Variants in IGF2BP3 observed in about 807,000 individuals in gnomAD.
IGF2BP3 encodes the protein insulin like growth factor 2 mRNA binding protein 3.
IGF2BP3 carries 9 observed loss-of-function variants against 73.8 expected under a neutral mutation model. The observed-to-expected ratio is 0.12, with a 90% CI of 0.07 to 0.21. The LOEUF is 0.21. Among genes scored for constraint, IGF2BP3 ranks in the 10% least tolerant of loss-of-function variants. The pLI is 1.00. For missense variants in IGF2BP3, 542 were observed against 714.0 expected (o/e 0.76, Z 2.75); for synonymous variants, 258 against 256.7 (o/e 1.01, Z -0.05).
intron 10 of IGF2BP3, among the ~76,000 whole-genome samples, chr7:23,338,077 G>A (rs1018895638): frequency 6.6e-6 from 1 of 152,054 alleles, no homozygotes; most frequent in African/African-American, 2.4e-5. Context: ...CATGTAGTAT[G>A]CCAAAATAGA....
chr7:23,318,182 T>C (rs1677397297), intron 11 of IGF2BP3, among the ~76,000 whole-genome samples: 1 of 152,138 alleles, frequency 6.6e-6, no homozygotes, highest in Non-Finnish European at 1.5e-5. Flanking sequence ...CAACACACTC[T>C]AGGAATCTCT....
intron 2 of IGF2BP3, among the ~76,000 whole-genome samples, chr7:23,447,912 T>C (rs1788104450): frequency 6.6e-6 from 1 of 152,054 alleles, no homozygotes; most frequent in Non-Finnish European, 1.5e-5. Flanking sequence ...GTCCAGGAGT[T>C]CGAGTTGCAG....
At position 23,400,994 on chromosome 7, in the gene IGF2BP3, T is replaced by G. The variant is rs1288849352; in HGVS notation, c.285+17782A>C. The stretch of plus-strand genomic sequence containing the variant: ...TTTGTATTTTTAGTAGAGACGGGGG[T>G]TTCACCATGTTGCCCAGGTTGGTCT... On this transcript the variant is annotated intron_variant, in intron 3 of 14. Coordinates refer to ENST00000258729, the MANE Select transcript of IGF2BP3 (RefSeq NM_006547.3). 2.0e-5 allele frequency among the ~76,000 whole-genome samples: 3 copies of G among 151,818 alleles called. No individual in the cohort carries two copies. In the East Asian group the frequency reaches 5.8e-4, roughly 29 times the overall value.
rs925383052 is a variant in IGF2BP3 at position 23,431,235 on chromosome 7, A to G, written c.237-12411T>C. 3 of 152,310 alleles carry G rather than the reference A, an allele frequency of 2.0e-5. No homozygotes were observed. The South Asian group carries it at 6.2e-4, about 32-fold the overall frequency. 9.4% of individuals were successfully genotyped at this position (152,310 alleles called of 1,614,324 possible). ...TTTCTTCTAGCTTTTGTGTTTTATA[A>G]AATGAACTTTACTAGTTGTTGAGGG... On this transcript the variant is annotated intron_variant, in intron 2 of 14. Transcript: ENST00000258729.
intron 3 of IGF2BP3, among the ~76,000 whole-genome samples, chr7:23,403,797 C>T (rs1043147393): frequency 7.9e-5 from 12 of 151,840 alleles, no homozygotes; most frequent in Non-Finnish European, 1.3e-4. Flanking sequence ...CTAGGGTTGG[C>T]TCTAAGAATA....
chr7:23,369,531 T>C (rs1785483790), intron 3 of IGF2BP3, among the ~76,000 whole-genome samples: 1 of 152,168 alleles, frequency 6.6e-6, no homozygotes, highest in Admixed American at 6.5e-5. Context: ...TGCTTTCCAT[T>C]GCACATGGAC....
intron 10 of IGF2BP3, among the ~76,000 whole-genome samples, chr7:23,320,947 CAAAAAAAAAAAAAA>C (rs70966008): frequency 2.1e-5 from 2 of 96,538 alleles, no homozygotes; most frequent in South Asian, 3.0e-4. Context: ...AACTCTGTCT[CAAAAAAAAAAAAAA>C]AAAAAAAAGA....
chr7:23,387,078 G>A (rs1337306116), intron 3 of IGF2BP3, among the ~76,000 whole-genome samples: 2 of 145,828 alleles, frequency 1.4e-5, no homozygotes, highest in African/African-American at 5.4e-5. Flanking sequence ...AAAAAAAAAA[G>A]AAAGAAAGAA....
At chr7:23,342,559 G>A (rs1784738442) in intron 9 of IGF2BP3, among the ~76,000 whole-genome samples, 1 of 152,162 alleles carries the variant, frequency 6.6e-6, no homozygotes, top group Non-Finnish European at 1.5e-5. Context: ...AATCAAGTAA[G>A]ATTGGTTCAT....
At chr7:23,403,729 C>T (rs1163541623) in intron 3 of IGF2BP3, among the ~76,000 whole-genome samples, 1 of 152,132 alleles carries the variant, frequency 6.6e-6, no homozygotes, top group Non-Finnish European at 1.5e-5. Context: ...CAAGTTTTTC[C>T]ATTTCCCAAT....
chr7:23,397,513 A>G (rs1464000107), intron 3 of IGF2BP3, among the ~76,000 whole-genome samples: 1 of 152,182 alleles, frequency 6.6e-6, no homozygotes, highest in Non-Finnish European at 1.5e-5. Flanking sequence ...GCCTCCTTCT[A>G]TCATCTAACT....
chr7:23,327,068 AAATAAATT>A lies in IGF2BP3; in HGVS notation c.1204-7822_1204-7815del, dbSNP rs918651013. 6.9e-5 allele frequency among the ~76,000 whole-genome samples: 10 copies of A among 145,964 alleles called. 1 individual carries two copies. Among genetic ancestry groups the A allele is most frequent in the African/African-American group, 2.2e-4 (8 of 36,492 alleles). The stretch of plus-strand genomic sequence containing the variant: ...TGTACCCTAAAACTTAAAGTATAAT[AAATAAATT>A]AATTAATTAATTAATTAAAAAAGAA... On this transcript the variant is annotated intron_variant, in intron 10 of 14. Coordinates refer to ENST00000258729, the MANE Select transcript of IGF2BP3 (RefSeq NM_006547.3).
At chr7:23,455,688 C>CTTA (rs1409489933) in intron 2 of IGF2BP3, among the ~76,000 whole-genome samples, 2 of 131,672 alleles carry the variant, frequency 1.5e-5, no homozygotes, top group Non-Finnish European at 3.4e-5. Context: ...GGACAAGGGT[C>CTTA]TTACTATTTT....
intron 3 of IGF2BP3, chr7:23,402,797 T>C (rs1201288557): frequency 6.6e-6 from 1 of 152,192 alleles, no homozygotes; most frequent in African/African-American, 2.4e-5. Flanking sequence ...AAAAAGTCAG[T>C]AATCAATTAG....
chr7:23,461,801 C>A (rs1286322215), intron 2 of IGF2BP3, among the ~76,000 whole-genome samples: 1 of 152,188 alleles, frequency 6.6e-6, no homozygotes, highest in Non-Finnish European at 1.5e-5. Flanking sequence ...AGATAGCCAC[C>A]ATCAATTCCT....
At chr7:23,329,091 T>C (rs1373197440) in intron 10 of IGF2BP3, among the ~76,000 whole-genome samples, 2 of 151,774 alleles carry the variant, frequency 1.3e-5, no homozygotes, top group African/African-American at 4.8e-5. Flanking sequence ...CGGGCACCTG[T>C]AGTCCCAGCT....
chr7:23,354,425 C>T (rs917738531), intron 5 of IGF2BP3, among the ~76,000 whole-genome samples: 6 of 152,230 alleles, frequency 3.9e-5, no homozygotes, highest in Middle Eastern at 3.4e-3. Context: ...TTATAAATGG[C>T]GTATTGCCAG....
At chr7:23,446,622 C>T (rs1397305926) in intron 2 of IGF2BP3, among the ~76,000 whole-genome samples, 3 of 152,132 alleles carry the variant, frequency 2.0e-5, no homozygotes, top group Non-Finnish European at 4.4e-5. Context: ...CACTATTTGA[C>T]AGCCACTATA....
At position 23,469,757 on chromosome 7, in the gene IGF2BP3, C is replaced by T. The variant is rs1283069693; in HGVS notation, c.175+179G>A. On this transcript the variant is annotated intron_variant, in intron 1 of 14. Coordinates refer to ENST00000258729, the MANE Select transcript of IGF2BP3 (RefSeq NM_006547.3). This position sits in a 1 kb window ranked among gnomAD's most constrained non-coding sequence, Gnocchi z 6.1. ...CGGCCGGGGAAGCAGAGCCGCGGGC[C>T]GGAGTGGGAGCCGGAGCTGAGGAGA... Among the ~76,000 whole-genome samples, 1 of 151,588 alleles carries T rather than the reference C, an allele frequency of 6.6e-6. No homozygotes were observed. Among genetic ancestry groups the T allele is most frequent in the Non-Finnish European group, 1.5e-5 (1 of 67,834 alleles).
Sources: allele counts gnomAD v4.1 joint callset (sites outside exome capture counted in the v4.1 genomes callset), GRCh38; gene constraint gnomAD v4.1.1; non-coding constraint Gnocchi (gnomAD v3.1); transcripts MANE v1.5; gene names NCBI Gene and HGNC (gene_info 2026-07-23, HGNC 2026-07-21).